Variants in UGT1A6 observed in about 807,000 individuals in gnomAD.
The protein encoded by UGT1A6 is UDP-glucuronosyltransferase 1A6.
UGT1A6 carries 32 observed loss-of-function variants against 44.4 expected under a neutral mutation model. The observed-to-expected ratio is 0.72, with a 90% CI of 0.54 to 0.97. The LOEUF (loss-of-function observed/expected upper bound fraction) is 0.97. UGT1A6 is among the 50% of genes least tolerant of loss of function. UGT1A6 has a pLI of 0.00. For missense variants in UGT1A6, 685 were observed against 661.9 expected (o/e 1.03, Z -0.38); for synonymous variants, 238 against 248.5 (o/e 0.96, Z 0.40).
At chr2:233,744,855 G>A (rs1452590480) in intron 1 of UGT1A6, among the ~76,000 whole-genome samples, 1 of 151,856 alleles carries the variant, frequency 6.6e-6, no homozygotes, top group Non-Finnish European at 1.5e-5. Flanking sequence ...GTAGTCCTTG[G>A]TATTCTGAAG....
chr2:233,755,207 C>T, intron 1 of UGT1A6: 1 of 1,062,486 alleles, frequency 9.4e-7, no homozygotes, highest in South Asian at 1.2e-5. Flanking sequence ...TGCGGTACGC[C>T]TTCTTGATAC....
intron 1 of UGT1A6, chr2:233,719,117 G>T (rs761490999): frequency 6.2e-7 from 1 of 1,614,140 alleles, no homozygotes; most frequent in African/African-American, 1.3e-5. Flanking sequence ...ACACTCAAGG[G>T]TTCTTTGAAA....
chr2:233,713,207 G>T (rs757096232), intron 1 of UGT1A6: 2 of 1,614,230 alleles, frequency 1.2e-6, no homozygotes, highest in Admixed American at 1.7e-5. Context: ...TCAAAGAAGA[G>T]AACTTTTTCA....
At chr2:233,729,885 T>C (rs2077943126) in intron 1 of UGT1A6, 3 of 1,613,802 alleles carry the variant, frequency 1.9e-6, no homozygotes, top group South Asian at 1.1e-5. Context: ...GTCATGCATC[T>C]GTGTGGCTGT....
chr2:233,755,791 C>G (rs1696023449), intron 1 of UGT1A6: 1 of 152,376 alleles, frequency 6.6e-6, no homozygotes, highest in Non-Finnish European at 1.5e-5. Flanking sequence ...ATCATATGTA[C>G]TGCATTAGAG....
chr2:233,755,109 T>C, intron 1 of UGT1A6: 1 of 1,333,450 alleles, frequency 7.5e-7, no homozygotes, highest in Non-Finnish European at 1.0e-6. Flanking sequence ...CGACAACACC[T>C]CGTAGGCCTC....
chr2:233,693,741 T>C lies in UGT1A6; in HGVS notation c.737T>C (p.Leu246Ser). The change falls in exon 1 of 5, where the codon TTA becomes TCA. Residue 246 changes from leucine to serine, a missense_variant. Leu to Ser is a moderately radical substitution (Grantham distance 145, BLOSUM62 -2). Coordinates refer to ENST00000305139, the MANE Select transcript of UGT1A6 (RefSeq NM_001072.4). ...AAGAGAGATGTGGATATAATCACCT[T>C]ATATCAGAAGGTCTCTGTTTGGCTG... is the stretch of plus-strand genomic sequence containing the variant. ...VLKRDVDIIT[L>S]YQKVSVWLLR... The C allele has an allele frequency of 6.2e-7, 1 of 1,614,246 alleles. No individual in the cohort carries two copies. The highest frequency in any genetic ancestry group is 8.5e-7 in the Non-Finnish European group (1 of 1,180,042).
At chr2:233,717,818 C>T (rs565320763) in intron 1 of UGT1A6, 84 of 455,640 alleles carry the variant, frequency 1.8e-4, no homozygotes, top group Non-Finnish European at 3.1e-4. Flanking sequence ...TTATGCAGCC[C>T]GTTCTGTTCT....
At chr2:233,729,262 G>A in intron 1 of UGT1A6, 1 of 1,614,138 alleles carries the variant, frequency 6.2e-7, no homozygotes, top group Non-Finnish European at 8.5e-7. Flanking sequence ...CAGCATGCGG[G>A]AGGTCTTGCG....
intron 1 of UGT1A6, chr2:233,755,020 T>G (rs552495015): frequency 7.7e-7 from 1 of 1,304,796 alleles, no homozygotes; most frequent in African/African-American, 1.5e-5. Context: ...AAGGGGTCCT[T>G]GAAGGGCCTG....
At chr2:233,766,995 T>C in intron 1 of UGT1A6, 39 bp from the exon 2 acceptor site, 2 of 1,613,538 alleles carry the variant, frequency 1.2e-6, no homozygotes, top group Admixed American at 1.7e-5. Context: ...TCAAAGAATA[T>C]GAGAAAAAAT....
At chr2:233,767,273 T>C (rs772040465) in intron 2 of UGT1A6, 108 bp downstream of exon 2, 1 of 1,581,726 alleles carries the variant, frequency 6.3e-7, no homozygotes, top group Non-Finnish European at 8.5e-7. Context: ...GATTTGGCTT[T>C]TCCCTGCCAC....
chr2:233,761,292 A>G, intron 1 of UGT1A6: 4 of 1,528,102 alleles, frequency 2.6e-6, no homozygotes, highest in Middle Eastern at 1.9e-4. Flanking sequence ...TTTGACTCCT[A>G]GGTTTGAGTC....
rs60469444 is a variant in UGT1A6, at chr2:233,743,994, T to G, written c.862-23040T>G. ...GCCAGCACCCAGGCGCAGGCCCGAG[T>G]GCTCGGAGACCTGGGCCGCCTGGAG... On this transcript the variant is annotated intron_variant, in intron 1 of 4. Coordinates refer to ENST00000305139, the MANE Select transcript of UGT1A6 (RefSeq NM_001072.4). 3 of 1,253,056 alleles carry G rather than the reference T, an allele frequency of 2.4e-6. No individual in the cohort carries two copies. In the African/African-American group the frequency reaches 4.7e-5, roughly 20 times the overall value. The allele number at this position is 1,253,056 out of a possible 1,614,324, so 77.6% of individuals were successfully genotyped here. A position where few individuals can be genotyped will look rare whatever the true frequency, so the allele number is the denominator to read the frequency against.
chr2:233,694,012 A>T, intron 1 of UGT1A6, 147 bp downstream of exon 1: 1 of 1,424,192 alleles, frequency 7.0e-7, no homozygotes. Context: ...AGCAGCGGGA[A>T]CACATAGGAG....
At chr2:233,737,085 G>C (rs1351233887) in intron 1 of UGT1A6, among the ~76,000 whole-genome samples, 2 of 152,202 alleles carry the variant, frequency 1.3e-5, no homozygotes, top group Non-Finnish European at 2.9e-5. Flanking sequence ...TGTCAGACAG[G>C]GATGTTTAAG....
At chr2:233,713,877 A>G in intron 1 of UGT1A6, 2 of 1,613,698 alleles carry the variant, frequency 1.2e-6, no homozygotes, top group Non-Finnish European at 1.7e-6. Flanking sequence ...TGGTGCCTTT[A>G]TCCAATCAAT....
chr2:233,751,961 T>G (rs923784516), intron 1 of UGT1A6, among the ~76,000 whole-genome samples: 8 of 152,012 alleles, frequency 5.3e-5, no homozygotes, highest in African/African-American at 1.9e-4. Context: ...TAAAGGAGAG[T>G]CTGAGAAAAG....
At chr2:233,762,868 G>A (rs998975258) in intron 1 of UGT1A6, among the ~76,000 whole-genome samples, 2 of 151,940 alleles carry the variant, frequency 1.3e-5, no homozygotes, top group Non-Finnish European at 2.9e-5. Context: ...AGAAATTTTG[G>A]TTTCTTCTCT....
Sources: allele counts gnomAD v4.1 joint callset (sites outside exome capture counted in the v4.1 genomes callset), GRCh38; gene constraint gnomAD v4.1.1; transcripts MANE v1.5; gene names NCBI Gene and HGNC (gene_info 2026-07-23, HGNC 2026-07-21).